Variants in SDK1 observed in about 807,000 individuals in gnomAD.
SDK1 encodes protein sidekick-1.
A neutral mutation model predicts 245.5 loss-of-function variants in SDK1; 157 were observed. The observed-to-expected ratio is 0.64, with a 90% confidence interval of 0.56 to 0.73. The LOEUF (loss-of-function observed/expected upper bound fraction) is 0.73, where lower values mean the gene tolerates loss of function less well. SDK1 is among the 30% of genes least tolerant of loss of function. The pLI is 0.00. For missense variants in SDK1, 3,583 were observed against 3,002.3 expected (o/e 1.19, Z -4.52); for synonymous variants, 1,647 against 1,278.5 (o/e 1.29, Z -6.15).
At chr7:3,608,376 A>AG (rs1207777978) in intron 1 of SDK1, among the ~76,000 whole-genome samples, 1 of 152,194 alleles carries the variant, frequency 6.6e-6, no homozygotes, top group African/African-American at 2.4e-5. Flanking sequence ...TTTTACTTGA[A>AG]GTAGTGACTG....
At chr7:4,010,882 C>G in intron 14 of SDK1, 84 bp from the exon 15 acceptor site, 1 of 1,396,608 alleles carries the variant, frequency 7.2e-7, no homozygotes, top group Non-Finnish European at 1.0e-6. Context: ...ATGAGATGTT[C>G]CCTGAGAAAG....
At chr7:3,387,504 C>T (rs527916216) in intron 1 of SDK1, among the ~76,000 whole-genome samples, 1 of 152,322 alleles carries the variant, frequency 6.6e-6, no homozygotes, top group South Asian at 2.1e-4. Flanking sequence ...CTGACACTTC[C>T]AACATCATGT....
chr7:3,581,665 T>C (rs1286774880), intron 1 of SDK1, among the ~76,000 whole-genome samples: 1 of 152,184 alleles, frequency 6.6e-6, no homozygotes, highest in Non-Finnish European at 1.5e-5. Flanking sequence ...CAAAGGAATG[T>C]AAATCGTTCT....
intron 1 of SDK1, among the ~76,000 whole-genome samples, chr7:3,383,311 T>C (rs749690904): frequency 6.6e-6 from 1 of 152,076 alleles, no homozygotes; most frequent in Admixed American, 6.5e-5. Flanking sequence ...CTAGGGAGAC[T>C]GAGATGGAAG....
chr7:3,645,436 T>A (rs927042523), intron 4 of SDK1, among the ~76,000 whole-genome samples: 1 of 152,196 alleles, frequency 6.6e-6, no homozygotes, highest in African/African-American at 2.4e-5. Context: ...CTGTGCAAGA[T>A]TACATAAATC....
In SDK1 at chr7:3,989,858, A is replaced by T. The variant is rs116681788; in HGVS notation, c.2131+2536A>T. On this transcript the variant is annotated intron_variant, in intron 14 of 44. Transcript: ENST00000404826. The stretch of plus-strand genomic sequence containing the variant: ...CTGCATGTTCACACCACAGCCACAC[A>T]GTTTAATCCCCATTTCATAGCTACG... 3.6e-3 allele frequency among the ~76,000 whole-genome samples: 555 copies of T among 152,258 alleles called. 3 individuals carry two copies. Among genetic ancestry groups the T allele is most frequent in the African/African-American group, 0.013 (528 of 41,524 alleles).
intron 14 of SDK1, among the ~76,000 whole-genome samples, chr7:4,005,641 G>T (rs1400906515): frequency 1.3e-5 from 2 of 152,090 alleles, no homozygotes; most frequent in East Asian, 3.9e-4. Context: ...CTCCCCAAGC[G>T]GGTTTCTGTG....
intron 1 of SDK1, among the ~76,000 whole-genome samples, chr7:3,396,914 T>C (rs2128572004): frequency 6.6e-6 from 1 of 151,832 alleles, no homozygotes; most frequent in East Asian, 1.9e-4. Flanking sequence ...CTATAAATGT[T>C]ATATATTTTT....
intron 4 of SDK1, among the ~76,000 whole-genome samples, chr7:3,706,751 C>G (rs1236504720): frequency 2.6e-5 from 4 of 152,078 alleles, no homozygotes; most frequent in Non-Finnish European, 4.4e-5. Flanking sequence ...TGTTACTGGT[C>G]TGTTTAGAGT....
At chr7:3,649,273 T>TA (rs1260449612) in intron 4 of SDK1, among the ~76,000 whole-genome samples, 4 of 152,122 alleles carry the variant, frequency 2.6e-5, no homozygotes, top group Non-Finnish European at 5.9e-5. Context: ...GGTGACATTT[T>TA]AAAAAACACC....
chr7:3,623,484 G>C (rs1231668087), intron 2 of SDK1, among the ~76,000 whole-genome samples: 2 of 151,938 alleles, frequency 1.3e-5, no homozygotes, highest in African/African-American at 2.4e-5. Context: ...CAAGTGATCT[G>C]CCTGTCTCAG....
At position 4,048,725 on chromosome 7, in the gene SDK1, A is replaced by C. The variant is rs114639296; in HGVS notation, c.2603-623A>C. On this transcript the variant is annotated intron_variant, in intron 17 of 44. Transcript: ENST00000404826. ...AGCATCTGCCTCTTACAGTTACACG[A>C]GCATGTCCCCTAGAAAGGGCATGCC... is the stretch of plus-strand genomic sequence containing the variant. 5.8e-3 allele frequency among the ~76,000 whole-genome samples: 881 copies of C among 152,344 alleles called. 8 individuals carry two copies. Among genetic ancestry groups the C allele is most frequent in the African/African-American group, 0.02 (841 of 41,584 alleles).
At chr7:3,533,163 T>G (rs1783406289) in intron 1 of SDK1, among the ~76,000 whole-genome samples, 2 of 152,220 alleles carry the variant, frequency 1.3e-5, no homozygotes, top group East Asian at 3.9e-4. Flanking sequence ...TGAGTGCATG[T>G]GGTGTGTAAC....
At chr7:3,803,428 A>G (rs1395892476) in intron 4 of SDK1, among the ~76,000 whole-genome samples, 1 of 150,798 alleles carries the variant, frequency 6.6e-6, no homozygotes, top group Non-Finnish European at 1.5e-5. Flanking sequence ...CTCCCACCTC[A>G]GCCTCCTGAG....
intron 1 of SDK1, among the ~76,000 whole-genome samples, chr7:3,504,107 G>A (rs549596476): frequency 6.6e-5 from 10 of 151,508 alleles, no homozygotes; most frequent in Admixed American, 2.0e-4. Context: ...CCAAGATCGC[G>A]CCATTGCACT....
intron 4 of SDK1, among the ~76,000 whole-genome samples, chr7:3,799,428 G>C (rs758476197): frequency 2.8e-4 from 43 of 151,852 alleles, no homozygotes; most frequent in Non-Finnish European, 5.1e-4. Flanking sequence ...ATCCTGGCCA[G>C]GTGCAGTGGC....
chr7:3,303,029 T>C (rs1779320962), intron 1 of SDK1, among the ~76,000 whole-genome samples: 1 of 151,684 alleles, frequency 6.6e-6, no homozygotes, highest in Non-Finnish European at 1.5e-5. Context: ...TTTTTATTGA[T>C]GCTTATGTAA....
intron 1 of SDK1, among the ~76,000 whole-genome samples, chr7:3,607,873 T>G (rs1468536156): frequency 6.6e-6 from 1 of 152,238 alleles, no homozygotes; most frequent in Non-Finnish European, 1.5e-5. Context: ...GGTAATTTAA[T>G]CCTTGAGACA....
chr7:3,789,409 A>G (rs533392732), intron 4 of SDK1, among the ~76,000 whole-genome samples: 1 of 152,268 alleles, frequency 6.6e-6, no homozygotes, highest in South Asian at 2.1e-4. Context: ...CAGCCTCCCA[A>G]AGTGCTGGGA....
Sources: allele counts gnomAD v4.1 joint callset (sites outside exome capture counted in the v4.1 genomes callset), GRCh38; gene constraint gnomAD v4.1.1; transcripts MANE v1.5; gene names NCBI Gene and HGNC (gene_info 2026-07-23, HGNC 2026-07-21).